RCC1: variants seen among roughly 807,000 people sequenced by gnomAD.
RCC1 encodes the protein regulator of chromosome condensation.
Under a neutral mutation model 44.4 loss-of-function variants are expected in RCC1, and 11 were observed. That is an observed-to-expected ratio of 0.25 (90% CI 0.16 to 0.41). The LOEUF (loss-of-function observed/expected upper bound fraction) is 0.41, where lower values mean the gene tolerates loss of function less well. RCC1 is among the 10% of genes least tolerant of loss of function. RCC1 has a pLI of 1.00. For missense variants in RCC1, 386 were observed against 547.1 expected (o/e 0.71, Z 2.94); for synonymous variants, 213 against 216.5 (o/e 0.98, Z 0.14).
chr1:28,529,763 T>A, intron 4 of RCC1, 95 bp from the exon 5 acceptor site: 1 of 934,460 alleles, frequency 1.1e-6, no homozygotes, highest in African/African-American at 1.6e-5. Context: ...GGGCAATTCC[T>A]CTTAACGTAT....
intron 1 of RCC1, chr1:28,507,533 C>T (rs146544479): frequency 1.5e-5 from 8 of 517,570 alleles, no homozygotes; most frequent in African/African-American, 5.8e-5. Flanking sequence ...AGAGTCCTGT[C>T]GACAATTACT....
intron 4 of RCC1, among the ~76,000 whole-genome samples, chr1:28,522,572 T>G (rs528114301): frequency 6.6e-6 from 1 of 150,562 alleles, no homozygotes; most frequent in East Asian, 2.0e-4. Context: ...CTTTGGGAGG[T>G]CGAGGTGGGA....
intron 3 of RCC1, chr1:28,509,797 G>A (rs1662364975): frequency 6.6e-6 from 1 of 152,146 alleles, no homozygotes; most frequent in African/African-American, 2.4e-5. Context: ...AGTTTATTGG[G>A]AAAATGGATA....
intron 1 of RCC1, 99 bp downstream of exon 1, chr1:28,506,183 T>C: frequency 2.2e-6 from 1 of 444,812 alleles, no homozygotes; most frequent in Non-Finnish European, 4.5e-6. Context: ...GAAGATCATA[T>C]AGTATTTTAT....
At chr1:28,537,796 C>G in intron 12 of RCC1, 36 bp from the exon 13 acceptor site, 1 of 1,583,488 alleles carries the variant, frequency 6.3e-7, no homozygotes, top group Admixed American at 1.8e-5. Flanking sequence ...GGCTGGGGAT[C>G]CTGGAGACAG....
chr1:28,512,626 G>A (rs919931175), intron 3 of RCC1, among the ~76,000 whole-genome samples: 5 of 151,832 alleles, frequency 3.3e-5, no homozygotes, highest in East Asian at 1.9e-4. Context: ...TCTAATGTAG[G>A]CATTTAGTGC....
intron 7 of RCC1, among the ~76,000 whole-genome samples, chr1:28,533,577 C>T (rs1664320664): frequency 6.7e-6 from 1 of 150,344 alleles, no homozygotes; most frequent in South Asian, 2.1e-4. Flanking sequence ...TCGAGACCGG[C>T]CTGACCAACA....
In RCC1 at chr1:28,538,204, T is replaced by C. The variant is rs1664674774; in HGVS notation, c.*197T>C. On this transcript the variant is annotated 3_prime_UTR_variant, in exon 13 of 13. Transcript: ENST00000683442. ...TGGAATTTTCCTGGGACCTACAGAA[T>C]AAAGGGGGGGATGGACAGGGGGTTT... is the stretch of plus-strand genomic sequence containing the variant. 7 of 377,356 alleles carry C rather than the reference T, an allele frequency of 1.9e-5. No homozygotes were observed. The highest frequency in any genetic ancestry group is 5.6e-5 in the East Asian group (1 of 17,768). 23.4% of individuals were successfully genotyped at this position (377,356 alleles called of 1,614,324 possible). A position where few individuals can be genotyped will look rare whatever the true frequency, so the allele number is the denominator to read the frequency against.
intron 4 of RCC1, among the ~76,000 whole-genome samples, chr1:28,523,027 CTTTTTTT>C (rs775851239): frequency 6.6e-5 from 6 of 91,040 alleles, no homozygotes; most frequent in African/African-American, 1.3e-4. Flanking sequence ...GAAGAAATTT[CTTTTTTT>C]TTTTTTTTTT....
At chr1:28,532,823 G>A in intron 7 of RCC1, 1 of 433,212 alleles carries the variant, frequency 2.3e-6, no homozygotes, top group Non-Finnish European at 4.6e-6. Context: ...TGTTGTTTTT[G>A]TATTGTTTTG....
At chr1:28,512,563 C>A (rs1299333523) in intron 3 of RCC1, among the ~76,000 whole-genome samples, 4 of 152,000 alleles carry the variant, frequency 2.6e-5, no homozygotes, top group African/African-American at 9.7e-5. Flanking sequence ...CTCATCTATT[C>A]CTAGTTTCTT....
chr1:28,528,009 CA>C (rs56261878), intron 4 of RCC1, among the ~76,000 whole-genome samples: 32,753 of 97,546 alleles, frequency 0.34, 3,804 homozygotes, highest in Middle Eastern at 0.46. Flanking sequence ...AACTCTGCTT[CA>C]AAAAAAAAAA....
At chr1:28,509,657 A>C (rs1369003825) in intron 3 of RCC1, 1 of 152,238 alleles carries the variant, frequency 6.6e-6, no homozygotes, top group Non-Finnish European at 1.5e-5. Context: ...ATTTTTGTGG[A>C]GGTGGCTGTG....
intron 1 of RCC1, chr1:28,507,688 G>T (rs1662119622): frequency 2.7e-6 from 1 of 372,632 alleles, no homozygotes; most frequent in Non-Finnish European, 5.2e-6. Context: ...CTGCCTCCCG[G>T]GTTCAAGTGA....
chr1:28,533,164 C>G (rs1664285902), intron 7 of RCC1, among the ~76,000 whole-genome samples: 1 of 151,492 alleles, frequency 6.6e-6, no homozygotes, highest in Admixed American at 6.6e-5. Flanking sequence ...TGGAGAATTT[C>G]AAACACATGA....
intron 4 of RCC1, chr1:28,518,542 G>C (rs1663050272): frequency 6.7e-6 from 1 of 148,818 alleles, no homozygotes; most frequent in African/African-American, 2.4e-5. Context: ...CTGGAGCTAG[G>C]GCCGCGCGGC....
At chr1:28,530,609 C>G (rs779707090) in intron 5 of RCC1, 4 of 1,603,462 alleles carry the variant, frequency 2.5e-6, no homozygotes, top group Admixed American at 3.3e-5. Flanking sequence ...CCAGAAAACC[C>G]GACCAGGTGG....
chr1:28,536,506 C>T lies in RCC1; in HGVS notation c.937+125C>T. The T allele has an allele frequency of 7.9e-7, 1 of 1,267,082 alleles. No homozygotes were observed. Among genetic ancestry groups the T allele is most frequent in the Non-Finnish European group, 1.1e-6 (1 of 916,786 alleles). The allele number at this position is 1,267,082 out of a possible 1,614,324, so 78.5% of individuals were successfully genotyped here. A position where few individuals can be genotyped will look rare whatever the true frequency, so the allele number is the denominator to read the frequency against. On this transcript the variant is annotated intron_variant, in intron 11 of 12. Coordinates refer to ENST00000683442, the MANE Select transcript of RCC1 (RefSeq NM_001381865.2). The surrounding 1 kb of genome is among the most constrained non-coding windows in gnomAD (Gnocchi z 4.9). ...TCCATGGGTTGTACCATACATGGGT[C>T]CATGAGAGTCACTCTCATCCTCCTA...
chr1:28,511,171 T>G (rs1306120947), intron 3 of RCC1, among the ~76,000 whole-genome samples: 1 of 152,154 alleles, frequency 6.6e-6, no homozygotes, highest in Non-Finnish European at 1.5e-5. Context: ...ATCCCACCAC[T>G]TGCTGTTCAT....
Sources: gnomAD v4.1 joint callset for allele counts (sites outside exome capture counted in the v4.1 genomes callset) on GRCh38, gnomAD v4.1.1 for gene constraint, Gnocchi (gnomAD v3.1) non-coding constraint, MANE v1.5 for transcripts, NCBI Gene and HGNC (gene_info 2026-07-23, HGNC 2026-07-21) for gene names.